Variants in CALN1 observed in about 807,000 individuals in gnomAD.
The protein encoded by CALN1 is calneuron 1, also known as calcium-binding protein 8.
In CALN1, 17 loss-of-function variants were observed where a neutral mutation model predicts 30.6. That is an observed-to-expected ratio of 0.56 (90% CI 0.38 to 0.83). CALN1 has a LOEUF of 0.83. CALN1 is among the 40% of genes least tolerant of loss of function. The pLI is 0.00. For synonymous variants in CALN1, 156 were observed against 131.4 expected (o/e 1.19, Z -1.28); for missense variants, 291 against 354.9 (o/e 0.82, Z 1.45).
Position 71,967,729 on chromosome 7 carries a change from A to G in CALN1, c.501+55928T>C, listed in dbSNP as rs995538262. ...AAACTCAATAATAAGAAAGCAATCA[A>G]TACAATTTAAAAAGGGGAAGATTTG... On this transcript the variant is annotated intron_variant, in intron 5 of 6. Transcript: ENST00000395275. 2.6e-5 allele frequency among the ~76,000 whole-genome samples: 4 copies of G among 152,064 alleles called. No homozygotes were observed. The South Asian group carries it at 6.2e-4, about 24-fold the overall frequency.
chr7:71,847,010 T>C (rs1046820259), intron 5 of CALN1, among the ~76,000 whole-genome samples: 2 of 150,386 alleles, frequency 1.3e-5, no homozygotes, highest in African/African-American at 2.4e-5. Context: ...ATATTGCTTA[T>C]GTCATGGAGG....
At chr7:72,007,284 G>A (rs1395183510) in intron 5 of CALN1, among the ~76,000 whole-genome samples, 1 of 152,204 alleles carries the variant, frequency 6.6e-6, no homozygotes, top group Non-Finnish European at 1.5e-5. Context: ...AGTGGCTTGC[G>A]CTTGCAATCC....
intron 3 of CALN1, among the ~76,000 whole-genome samples, chr7:72,222,043 T>A (rs545124363): frequency 1.2e-4 from 19 of 152,046 alleles, no homozygotes; most frequent in African/African-American, 3.9e-4. Context: ...CTGGCCAACA[T>A]GGTGAAACCC....
chr7:72,501,410 GAGAAGAAGAAAGAGGA>G, the CALN1 span, among the ~76,000 whole-genome samples: 2 of 113,508 alleles, frequency 1.8e-5, no homozygotes, highest in Non-Finnish European at 3.7e-5. Context: ...CAAAGAAAAA[GAGAAGAAGAAAGAGGA>G]AGAAGAAGAA....
intron 5 of CALN1, among the ~76,000 whole-genome samples, chr7:71,916,489 A>G (rs1794694817): frequency 6.6e-6 from 1 of 152,158 alleles, no homozygotes; most frequent in South Asian, 2.1e-4. Context: ...CTATGCAACC[A>G]TAAAAAGGAA....
At chr7:72,120,581 G>A (rs1808307786) in intron 3 of CALN1, among the ~76,000 whole-genome samples, 2 of 152,096 alleles carry the variant, frequency 1.3e-5, no homozygotes, top group South Asian at 4.1e-4. Flanking sequence ...GGGTCCAAGG[G>A]CAGAAACACT....
chr7:72,373,381 GAC>G (rs1275824451), intron 2 of CALN1, among the ~76,000 whole-genome samples: 1 of 152,184 alleles, frequency 6.6e-6, no homozygotes, highest in Non-Finnish European at 1.5e-5. Flanking sequence ...GCAAAATGCA[GAC>G]AGTCTCCAAA....
chr7:72,048,828 G>A (rs999977853), intron 4 of CALN1, among the ~76,000 whole-genome samples: 1 of 150,162 alleles, frequency 6.7e-6, no homozygotes, highest in Non-Finnish European at 1.5e-5. Flanking sequence ...CTTTCGACAG[G>A]GTCTCACTGT....
intron 2 of CALN1, among the ~76,000 whole-genome samples, chr7:72,395,783 G>A (rs1003153418): frequency 1.3e-5 from 2 of 152,208 alleles, no homozygotes; most frequent in Non-Finnish European, 2.9e-5. Context: ...TGGAACAAGA[G>A]CAAGCAAAGC....
At chr7:72,340,641 G>A in intron 2 of CALN1, among the ~76,000 whole-genome samples, 1 of 152,304 alleles carries the variant, frequency 6.6e-6, no homozygotes, top group East Asian at 1.9e-4. Context: ...ACATGCTTGA[G>A]CCACTGGTTG....
intron 1 of CALN1, among the ~76,000 whole-genome samples, chr7:72,405,830 A>G (rs966321138): frequency 3.3e-5 from 5 of 152,220 alleles, no homozygotes; most frequent in Non-Finnish European, 7.3e-5. Flanking sequence ...AGCAGTAATT[A>G]GCTCCCCATA....
intron 3 of CALN1, among the ~76,000 whole-genome samples, chr7:72,169,942 C>T (rs113307940): frequency 0.012 from 1,848 of 152,130 alleles, 31 homozygotes; most frequent in African/African-American, 0.04. Flanking sequence ...ATCCACCTGC[C>T]TTGGCCTCCC....
intron 5 of CALN1, among the ~76,000 whole-genome samples, chr7:71,839,780 T>C (rs1395667382): frequency 6.6e-6 from 1 of 152,172 alleles, no homozygotes; most frequent in Non-Finnish European, 1.5e-5. Context: ...CTCAAGGCAC[T>C]AATTACAAAT....
intron 2 of CALN1, among the ~76,000 whole-genome samples, chr7:72,331,228 T>C (rs1356402300): frequency 6.6e-6 from 1 of 151,976 alleles, no homozygotes; most frequent in Non-Finnish European, 1.5e-5. Flanking sequence ...CGGGAGCCCA[T>C]AATCCCAGCT....
intron 5 of CALN1, among the ~76,000 whole-genome samples, chr7:71,888,263 C>T (rs979025218): frequency 3.3e-5 from 5 of 151,730 alleles, no homozygotes; most frequent in Non-Finnish European, 5.9e-5. Context: ...TCTGAAAAAC[C>T]AACGGGCTGC....
At chr7:71,887,313 G>C (rs1278043431) in intron 5 of CALN1, among the ~76,000 whole-genome samples, 1 of 152,132 alleles carries the variant, frequency 6.6e-6, no homozygotes, top group Admixed American at 6.5e-5. Context: ...TTTGTTTTTT[G>C]AGATGGAGTT....
At chr7:71,864,673 C>T (rs1791486469) in intron 5 of CALN1, among the ~76,000 whole-genome samples, 1 of 152,134 alleles carries the variant, frequency 6.6e-6, no homozygotes, top group Non-Finnish European at 1.5e-5. Context: ...TTTTAAATCA[C>T]TAAGTTTGTG....
the CALN1 span, among the ~76,000 whole-genome samples, chr7:72,481,056 G>A: frequency 1.3e-5 from 2 of 152,076 alleles, no homozygotes; most frequent in East Asian, 1.9e-4. Context: ...GGGTTCAAGC[G>A]ATTCTCCTGC....
chr7:72,355,084 T>C (rs866831914), intron 2 of CALN1, among the ~76,000 whole-genome samples: 1 of 152,080 alleles, frequency 6.6e-6, no homozygotes, highest in South Asian at 2.1e-4. Context: ...AATTTTTGTA[T>C]TTTTTATAGA....
Sources: allele counts gnomAD v4.1 joint callset (sites outside exome capture counted in the v4.1 genomes callset), GRCh38; gene constraint gnomAD v4.1.1; transcripts MANE v1.5; gene names NCBI Gene and HGNC (gene_info 2026-07-23, HGNC 2026-07-21).